The following DNAH11 variants were observed in gnomAD, a reference collection of about 807,000 sequenced individuals.
The protein encoded by DNAH11 is dynein axonemal heavy chain 11, also known as axonemal beta dynein heavy chain 11.
A neutral mutation model predicts 526.0 loss-of-function variants in DNAH11; 442 were observed. The ratio of observed to expected loss-of-function variants is 0.84; its 90% confidence interval spans 0.78 to 0.91. The LOEUF (loss-of-function observed/expected upper bound fraction) is 0.91, where lower values mean the gene tolerates loss of function less well. DNAH11 is among the 40% of genes least tolerant of loss of function. DNAH11 has a pLI of 0.00. For missense variants in DNAH11, 6,989 were observed against 5,448.7 expected (o/e 1.28, Z -8.90); for synonymous variants, 2,461 against 1,935.9 (o/e 1.27, Z -7.12).
At chr7:21,850,926 G>A (rs529098592) in intron 66 of DNAH11, among the ~76,000 whole-genome samples, 14 of 152,102 alleles carry the variant, frequency 9.2e-5, no homozygotes, top group Non-Finnish European at 1.9e-4. Flanking sequence ...CAATGTGTTG[G>A]TAAGGTATTA....
At position 21,839,230 on chromosome 7, in the gene DNAH11, C is replaced by T. The variant is rs190966658; in HGVS notation, c.10692-3314C>T. On this transcript the variant is annotated intron_variant, in intron 65 of 81. Coordinates refer to ENST00000409508, the MANE Select transcript of DNAH11 (RefSeq NM_001277115.2). ...TGCCTATCAAATTATAGAAACATGA[C>T]TGAATACATATTTATTGGCTGAATA... Among the ~76,000 whole-genome samples the T allele has an allele frequency of 7.6e-4, 116 of 152,144 alleles. 1 individual carries two copies. The highest frequency in any genetic ancestry group is 8.8e-4 in the Non-Finnish European group (60 of 68,012).
chr7:21,899,016 G>A (rs565148779), intron 79 of DNAH11, among the ~76,000 whole-genome samples: 10 of 152,296 alleles, frequency 6.6e-5, no homozygotes, highest in East Asian at 1.9e-4. Context: ...CCAAGTCATA[G>A]GGTGATGACC....
intron 20 of DNAH11, among the ~76,000 whole-genome samples, chr7:21,610,146 C>G (rs62447782): frequency 1.0e-3 from 159 of 151,906 alleles, no homozygotes; most frequent in Non-Finnish European, 1.7e-3. Flanking sequence ...CCCAGCTACT[C>G]GGGAGGCTGA....
intron 30 of DNAH11, among the ~76,000 whole-genome samples, chr7:21,666,031 C>T (rs1247966210): frequency 6.6e-6 from 1 of 152,062 alleles, no homozygotes; most frequent in Non-Finnish European, 1.5e-5. Context: ...GAGCTTTAGT[C>T]ATTTAAAATA....
Position 21,589,338 on chromosome 7 carries a change from T to C in DNAH11, c.2104T>C (p.Leu702=). ...TGTGGATGAAATCTGTGAATTCAAT[T>C]TGAATCAACCCTTGGTTAAATTCAG... ...SNVDEICEFN[L]NQPLVKFSAI... is the part of the protein sequence containing the mutation. The change falls in exon 12 of 82, where the codon TTG becomes CTG. Residue 702 remains leucine (L), a synonymous_variant. Coordinates refer to ENST00000409508, the MANE Select transcript of DNAH11 (RefSeq NM_001277115.2). The C allele has an allele frequency of 6.2e-7, 1 of 1,610,280 alleles. No homozygotes were observed. Among genetic ancestry groups the C allele is most frequent in the Non-Finnish European group, 8.5e-7 (1 of 1,178,500 alleles).
At position 21,721,686 on chromosome 7, in the gene DNAH11, A is replaced by G. The variant is rs571954533; in HGVS notation, c.7266+830A>G. On this transcript the variant is annotated intron_variant, in intron 44 of 81. Coordinates refer to ENST00000409508, the MANE Select transcript of DNAH11 (RefSeq NM_001277115.2). ...GGACCCTGTATTCATGACATCATCT[A>G]AATCTAATTATGTCCCAAGGCCCCA... Among the ~76,000 whole-genome samples the G allele has an allele frequency of 7.4e-4, 112 of 152,266 alleles. 1 individual carries two copies. Among genetic ancestry groups the G allele is most frequent in the Admixed American group, 3.5e-3 (54 of 15,300 alleles).
rs574194713 is a variant in DNAH11 at position 21,674,040 on chromosome 7, G to A, written c.5329-7506G>A. ...ATTCTGTTTTGTTTTGTGTGTGTGT[G>A]TGTGTGTGTGTGTGTGTGTGTGAGT... On this transcript the variant is annotated intron_variant, in intron 30 of 81. Transcript: ENST00000409508. Among the ~76,000 whole-genome samples the A allele has an allele frequency of 5.0e-4, 75 of 151,374 alleles. 1 individual carries two copies. Among genetic ancestry groups the A allele is most frequent in the African/African-American group, 1.8e-3 (74 of 41,234 alleles).
intron 75 of DNAH11, among the ~76,000 whole-genome samples, chr7:21,883,338 A>C (rs1203474881): frequency 6.6e-6 from 1 of 152,250 alleles, no homozygotes; most frequent in Non-Finnish European, 1.5e-5. Context: ...ACCCAGAAGA[A>C]GCTAAAGTAT....
intron 48 of DNAH11, among the ~76,000 whole-genome samples, chr7:21,741,223 T>G (rs554511702): frequency 6.6e-6 from 1 of 152,350 alleles, no homozygotes; most frequent in East Asian, 1.9e-4. Context: ...AGGCTTTTTT[T>G]TCCACGTAGC....
intron 54 of DNAH11, among the ~76,000 whole-genome samples, chr7:21,753,119 C>A: frequency 6.6e-6 from 1 of 152,148 alleles, no homozygotes. Context: ...CCTTAGAGGC[C>A]CTTTAGAAGA....
Position 21,884,249 on chromosome 7 carries a change from C to G in DNAH11, c.12388-42C>G, listed in dbSNP as rs4439007. ...TACTGGTTGGCTACTCTGAGGCAGA[C>G]TCTGCACCCAGCAGTGAATATTTGT... On this transcript the variant is annotated intron_variant, in intron 75 of 81. Transcript: ENST00000409508. 839,224 of 1,548,358 alleles carry G rather than the reference C, an allele frequency of 0.54. 231,141 individuals are homozygous for G. The highest frequency in any genetic ancestry group is 0.6 in the Middle Eastern group (2,846 of 4,758).
chr7:21,889,513 A>G (rs1469972542), intron 76 of DNAH11, among the ~76,000 whole-genome samples: 2 of 152,154 alleles, frequency 1.3e-5, no homozygotes, highest in African/African-American at 2.4e-5. Context: ...TCTTCCCTTC[A>G]GCAATGTATG....
intron 38 of DNAH11, among the ~76,000 whole-genome samples, chr7:21,704,915 A>G (rs1017753880): frequency 1.3e-5 from 2 of 152,218 alleles, no homozygotes; most frequent in African/African-American, 4.8e-5. Context: ...TGCACTAAAA[A>G]TTTACTTTGT....
At chr7:21,668,987 A>G (rs539798642) in intron 30 of DNAH11, among the ~76,000 whole-genome samples, 1 of 152,256 alleles carries the variant, frequency 6.6e-6, no homozygotes, top group South Asian at 2.1e-4. Flanking sequence ...TCATATTTGT[A>G]TTGTCAGTCT....
chr7:21,588,458 C>G, intron 10 of DNAH11, 54 bp from the exon 11 acceptor site: 1 of 1,602,808 alleles, frequency 6.2e-7, no homozygotes, highest in Middle Eastern at 1.7e-4. Flanking sequence ...GGGTTGGAAA[C>G]CATTCTGACT....
chr7:21,641,470 C>A (rs569786072), intron 28 of DNAH11, among the ~76,000 whole-genome samples: 1 of 152,280 alleles, frequency 6.6e-6, no homozygotes, highest in African/African-American at 2.4e-5. Flanking sequence ...AACCCATGTC[C>A]ATTACCTTCA....
At chr7:21,619,927 T>C (rs770411293) in intron 24 of DNAH11, 29 bp from the exon 25 acceptor site, 1 of 1,377,710 alleles carries the variant, frequency 7.3e-7, no homozygotes, top group Admixed American at 2.2e-5. Context: ...TTAAATTTTG[T>C]GCACATTAAT....
In DNAH11 at chr7:21,807,743, C is replaced by G. The variant is rs548292421; in HGVS notation, c.10166-140C>G. The stretch of plus-strand genomic sequence containing the variant: ...CAAACACATGAAAGATTATAACAGT[C>G]ACACCAACCCGTTACACTCTGTTCC... On this transcript the variant is annotated intron_variant, in intron 62 of 81. Coordinates refer to ENST00000409508, the MANE Select transcript of DNAH11 (RefSeq NM_001277115.2). 16 of 656,372 alleles carry G rather than the reference C, an allele frequency of 2.4e-5. No individual in the cohort carries two copies. The South Asian group carries it at 6.5e-4, about 27-fold the overall frequency. 40.7% of individuals were successfully genotyped at this position (656,372 alleles called of 1,614,324 possible). A position where few individuals can be genotyped will look rare whatever the true frequency, so the allele number is the denominator to read the frequency against.
At position 21,876,382 on chromosome 7, in the gene DNAH11, C is replaced by T. The variant is rs148655041; in HGVS notation, c.12195+2881C>T. Among the ~76,000 whole-genome samples, 377 of 152,260 alleles carry T rather than the reference C, an allele frequency of 2.5e-3. 1 individual carries two copies. The highest frequency in any genetic ancestry group is 8.3e-3 in the African/African-American group (345 of 41,554). On this transcript the variant is annotated intron_variant, in intron 74 of 81. Transcript: ENST00000409508. The stretch of plus-strand genomic sequence containing the variant: ...TGTTAGAGTCTTTTATGAATGCTGA[C>T]CTGTCATTATGTTAGAAAACAAAAT...
Sources: gnomAD v4.1 joint callset for allele counts (sites outside exome capture counted in the v4.1 genomes callset) on GRCh38, gnomAD v4.1.1 for gene constraint, MANE v1.5 for transcripts, NCBI Gene and HGNC (gene_info 2026-07-23, HGNC 2026-07-21) for gene names.